Variants in ATOSB observed in about 807,000 individuals in gnomAD.
ATOSB encodes atos homolog B.
At chr9:35,107,844 G>C in the ATOSB span, 2 of 1,598,418 alleles carry the variant, frequency 1.3e-6, no homozygotes, top group Non-Finnish European at 8.5e-7. Context: ...TGGGGGGCAG[G>C]GGGGACTCCA....
the ATOSB span, chr9:35,108,001 G>A: frequency 1.3e-6 from 2 of 1,577,684 alleles, no homozygotes; most frequent in Non-Finnish European, 1.7e-6. Flanking sequence ...TCTTCAGGGG[G>A]TAGTCCCTCT....
the ATOSB span, chr9:35,106,749 G>A: frequency 1.3e-6 from 2 of 1,501,406 alleles, no homozygotes; most frequent in South Asian, 2.4e-5. The surrounding 1 kb of genome is among the most constrained non-coding windows in gnomAD (Gnocchi z 4.6). Flanking sequence ...TCTGCCCTGG[G>A]GTCCCCTACT....
chr9:35,114,478 T>G, the ATOSB span, among the ~76,000 whole-genome samples: 1 of 151,818 alleles, frequency 6.6e-6, no homozygotes, highest in Non-Finnish European at 1.5e-5. Context: ...ATTTAGCCAC[T>G]GTGTGGAACT....
At chr9:35,106,026 C>A in the ATOSB span, 2 of 1,610,232 alleles carry the variant, frequency 1.2e-6, no homozygotes, top group Admixed American at 1.7e-5. This position sits in a 1 kb window ranked among gnomAD's most constrained non-coding sequence, Gnocchi z 4.6. Context: ...GGCCAGGGAG[C>A]CATCAGTCAA....
chr9:35,104,736 C>G, the ATOSB span: 2 of 259,970 alleles, frequency 7.7e-6, no homozygotes, highest in South Asian at 6.5e-5. Context: ...GAAAGCAGTT[C>G]TCCTCCTGCC....
the ATOSB span, chr9:35,111,662 A>G: frequency 6.7e-6 from 1 of 148,776 alleles, no homozygotes; most frequent in African/African-American, 2.5e-5. Context: ...CCCTCAGGCT[A>G]CGCCCTCCCT....
the ATOSB span, chr9:35,104,496 C>T: frequency 4.1e-5 from 8 of 194,870 alleles, no homozygotes; most frequent in African/African-American, 1.9e-4. Context: ...CAACTGGAGT[C>T]TGGAGCCCTA....
At chr9:35,105,341 C>G in the ATOSB span, 1 of 1,613,754 alleles carries the variant, frequency 6.2e-7, no homozygotes, top group Non-Finnish European at 8.5e-7. The surrounding 1 kb of genome is among the most constrained non-coding windows in gnomAD (Gnocchi z 5.5). Context: ...TATCTCCATG[C>G]AGGCTTAAGC....
the ATOSB span, chr9:35,108,721 C>T: frequency 2.0e-6 from 2 of 992,484 alleles, no homozygotes; most frequent in Non-Finnish European, 2.4e-6. Flanking sequence ...CGTGCAGCTC[C>T]TGAGCTCAGC....
chr9:35,112,552 A>G, the ATOSB span, among the ~76,000 whole-genome samples: 1 of 152,184 alleles, frequency 6.6e-6, no homozygotes, highest in Non-Finnish European at 1.5e-5. Context: ...TTGTCCTCCT[A>G]TTCTTTAAAT....
the ATOSB span, chr9:35,106,528 C>T: frequency 1.3e-4 from 205 of 1,583,384 alleles, no homozygotes; most frequent in East Asian, 2.5e-4. This position sits in a 1 kb window ranked among gnomAD's most constrained non-coding sequence, Gnocchi z 4.6. Context: ...CAAACCCCAA[C>T]GGGAGCTACC....
At chr9:35,111,633 G>GGCCACGGCC in the ATOSB span, 3 of 148,506 alleles carry the variant, frequency 2.0e-5, no homozygotes, top group African/African-American at 7.5e-5. Context: ...GCGCCGCGGC[G>GGCCACGGCC]GCCACGGCCG....
the ATOSB span, chr9:35,108,628 C>T: frequency 9.5e-7 from 1 of 1,056,994 alleles, no homozygotes. Flanking sequence ...GCTGTGCGTC[C>T]CCTCTTCCCA....
the ATOSB span, among the ~76,000 whole-genome samples, chr9:35,115,113 A>G: frequency 6.6e-6 from 1 of 152,056 alleles, no homozygotes; most frequent in African/African-American, 2.4e-5. Flanking sequence ...GGGGGTTGAC[A>G]GGAACCCAGC....
the ATOSB span, among the ~76,000 whole-genome samples, chr9:35,113,567 T>A: frequency 2.0e-5 from 3 of 152,138 alleles, no homozygotes; most frequent in East Asian, 5.8e-4. Flanking sequence ...GAGGTTGTAG[T>A]GAGCCAAGAT....
the ATOSB span, chr9:35,107,236 T>C: frequency 1.2e-5 from 12 of 961,400 alleles, no homozygotes; most frequent in Admixed American, 3.1e-5. Context: ...GGTTGGAGGA[T>C]CCCTTGAGCC....
At chr9:35,109,502 C>T in the ATOSB span, 3 of 152,468 alleles carry the variant, frequency 2.0e-5, no homozygotes, top group East Asian at 5.8e-4. Context: ...CCCCAAACCA[C>T]GGGTGCATAA....
chr9:35,106,491 CCA>C, the ATOSB span: 2 of 1,603,096 alleles, frequency 1.2e-6, no homozygotes. The surrounding 1 kb of genome is among the most constrained non-coding windows in gnomAD (Gnocchi z 4.6). Context: ...TTCCACCATC[CCA>C]CCTCTCCCAG....
chr9:35,113,744 T>G, the ATOSB span, among the ~76,000 whole-genome samples: 1 of 152,186 alleles, frequency 6.6e-6, no homozygotes, highest in Non-Finnish European at 1.5e-5. Context: ...TATCACTACT[T>G]GACTTCTCCC....
Sources: gnomAD v4.1 joint callset for allele counts (sites outside exome capture counted in the v4.1 genomes callset) on GRCh38, gnomAD v4.1.1 for gene constraint, Gnocchi (gnomAD v3.1) non-coding constraint, MANE v1.5 for transcripts, NCBI Gene and HGNC (gene_info 2026-07-23, HGNC 2026-07-21) for gene names.